Variants in CTU1 observed in about 807,000 individuals in gnomAD.
The protein encoded by CTU1 is cytosolic thiouridylase subunit 1, also known as cytoplasmic tRNA 2-thiolation protein 1.
In CTU1, 15 loss-of-function variants were observed where a neutral mutation model predicts 12.9. That is an observed-to-expected ratio of 1.16 (90% CI 0.78 to 1.79). The LOEUF is 1.79. CTU1 is among the 40% of genes most tolerant of loss of function. The pLI, the probability that CTU1 is intolerant of heterozygous loss-of-function variation, is 0.00. For missense variants in CTU1, 553 were observed against 550.5 expected, an observed-to-expected ratio of 1.00 and a Z score of -0.05; for synonymous variants, 295 against 275.6, an observed-to-expected ratio of 1.07 and a Z score of -0.70.
chr19:51,098,980 A>T lies in CTU1; in HGVS notation c.668T>A (p.Leu223Gln). ...GTCGAGGCGGCGGAAGTGCGCGTACAGCACCACCTCCTTCTGCGAGGCGAA... is the reference window on the plus strand; with the variant it reads ...GTCGAGGCGGCGGAAGTGCGCGTACTGCACCACCTCCTTCTGCGAGGCGAA... ...LQFASQKEVVLYAHFRRLDYF... is the reference protein window; with the variant it reads ...LQFASQKEVVQYAHFRRLDYF... Residue 223 changes from leucine to glutamine, a missense_variant, in exon 3 of 3, where the codon CTG becomes CAG. By Grantham distance (113) the Leu-to-Gln change is moderately radical. This residue lies in a region of CTU1 where 500 missense variants were observed against 458.5 expected (regional missense o/e 1.09). Transcript: ENST00000421832. The surrounding 1 kb of genome is among the most constrained non-coding windows in gnomAD (Gnocchi z 4.3). 1 of 1,543,738 alleles carries T rather than the reference A, an allele frequency of 6.5e-7. No homozygotes were observed. The highest frequency in any genetic ancestry group is 8.7e-7 in the Non-Finnish European group (1 of 1,151,032).
chr19:51,103,420 C>G (rs1046958569), intron 2 of CTU1, among the ~76,000 whole-genome samples: 1 of 152,040 alleles, frequency 6.6e-6, no homozygotes, highest in Non-Finnish European at 1.5e-5. Context: ...CCCGTCTCTA[C>G]TAAAAATACA....
chr19:51,104,262 C>T lies in CTU1; in HGVS notation c.308G>A (p.Arg103Gln). The part of the protein sequence containing the change: ...GYRDAALAAV[R>Q]RQAARWELPL... ...CAGCTCCCAGCGCGCCGCCTGGCGCCGCACGGCCGCCAACGCCGCGTCCCG... is the reference window on the plus strand; with the variant it reads ...CAGCTCCCAGCGCGCCGCCTGGCGCTGCACGGCCGCCAACGCCGCGTCCCG... Residue 103 changes from arginine to glutamine, a missense_variant, in exon 2 of 3, where the codon CGG (arginine) becomes CAG (glutamine). Arg to Gln is a conservative substitution (Grantham distance 43). This residue lies in a region of CTU1 where 500 missense variants were observed against 458.5 expected (regional missense o/e 1.09). Transcript: ENST00000421832. The T allele has an allele frequency of 6.6e-7, 1 of 1,506,882 alleles. No homozygotes were observed. Among genetic ancestry groups the T allele is most frequent in the African/African-American group, 1.4e-5 (1 of 69,362 alleles). 93.3% of individuals were successfully genotyped at this position (1,506,882 alleles called of 1,614,324 possible). A position where few individuals can be genotyped will look rare whatever the true frequency, so the allele number is the denominator to read the frequency against.
chr19:51,101,357 A>G (rs1242774734), intron 2 of CTU1, among the ~76,000 whole-genome samples: 1 of 152,222 alleles, frequency 6.6e-6, no homozygotes, highest in African/African-American at 2.4e-5. Context: ...GTCAAGTTAT[A>G]CTTGAGTCTA....
chr19:51,105,680 G>A (rs566023590), intron 1 of CTU1, among the ~76,000 whole-genome samples: 118 of 152,278 alleles, frequency 7.7e-4, no homozygotes, highest in African/African-American at 2.7e-3. Context: ...TGTCTAATAG[G>A]CATCTCAAAA....
At chr19:51,103,596 A>C (rs1276122369) in intron 2 of CTU1, among the ~76,000 whole-genome samples, 1 of 151,980 alleles carries the variant, frequency 6.6e-6, no homozygotes, top group Non-Finnish European at 1.5e-5. Context: ...AAAAAAAAAA[A>C]AAAAAAAAAG....
At chr19:51,107,661 A>G (rs138055779) in intron 1 of CTU1, among the ~76,000 whole-genome samples, 1 of 152,300 alleles carries the variant, frequency 6.6e-6, no homozygotes, top group East Asian at 1.9e-4. Flanking sequence ...GGACTGGGGC[A>G]ACGACGAGAG....
chr19:51,106,672 A>ATTT (rs56150506), intron 1 of CTU1, among the ~76,000 whole-genome samples: 29,097 of 135,820 alleles, frequency 0.21, 3,666 homozygotes, highest in East Asian at 0.61. Flanking sequence ...TGCCTGGCTA[A>ATTT]TTTTTTTTTT....
chr19:51,105,717 G>A (rs2691255), intron 1 of CTU1, among the ~76,000 whole-genome samples: 112,700 of 152,108 alleles, frequency 0.74, 42,242 homozygotes, highest in East Asian at 0.81. Context: ...TTCTAACCCA[G>A]CGTGCTTCTC....
chr19:51,106,331 C>T (rs942440348), intron 1 of CTU1, among the ~76,000 whole-genome samples: 2 of 152,150 alleles, frequency 1.3e-5, no homozygotes, highest in African/African-American at 4.8e-5. Context: ...CAGTGACCGT[C>T]GGGAACATCT....
At chr19:51,102,574 G>A (rs1423099431) in intron 2 of CTU1, among the ~76,000 whole-genome samples, 1 of 152,184 alleles carries the variant, frequency 6.6e-6, no homozygotes, top group African/African-American at 2.4e-5. Context: ...ACCGCAGCTG[G>A]CTTCCCACTG....
At chr19:51,100,089 G>A (rs1255972905) in intron 2 of CTU1, among the ~76,000 whole-genome samples, 2 of 152,150 alleles carry the variant, frequency 1.3e-5, no homozygotes, top group East Asian at 1.9e-4. Flanking sequence ...CCCAGAGACC[G>A]GGAGAGGGAG....
In CTU1 at chr19:51,104,064, G is replaced by A. The variant is rs768365887; in HGVS notation, c.506C>T (p.Thr169Ile). The A allele has an allele frequency of 2.1e-6, 3 of 1,452,116 alleles. No individual in the cohort carries two copies. Among genetic ancestry groups the A allele is most frequent in the Non-Finnish European group, 2.7e-6 (3 of 1,115,780 alleles). 90.0% of individuals were successfully genotyped at this position (1,452,116 alleles called of 1,614,324 possible). A position where few individuals can be genotyped will look rare whatever the true frequency, so the allele number is the denominator to read the frequency against. Residue 169 changes from threonine (T) to isoleucine (I), a missense_variant and splice_region_variant, in exon 2 of 3, where the codon ACA becomes ATA. Around this residue, in one of 2 missense-constraint regions of CTU1, gnomAD observed 500 missense variants for 458.5 expected, o/e 1.09. Coordinates refer to ENST00000421832, the MANE Select transcript of CTU1 (RefSeq NM_145232.4). ...TCTGCGGCCCGTACTACGCTCACCT[G>A]TCACGATGTGCGTGGCTCCCACGCG... ...ARRVGATHIV[T>I]GHNADDMAET...
At chr19:51,101,858 C>T (rs1485282657) in intron 2 of CTU1, among the ~76,000 whole-genome samples, 1 of 152,210 alleles carries the variant, frequency 6.6e-6, no homozygotes. Flanking sequence ...AATTATTATA[C>T]TACGCCTTTG....
At position 51,098,676 on chromosome 19, in the gene CTU1, C is replaced by T. The variant is rs1410029169; in HGVS notation, c.972G>A (p.Leu324=). The change falls in exon 3 of 3, where the codon CTG becomes CTA. Residue 324 remains leucine, a synonymous_variant. Coordinates refer to ENST00000421832, the MANE Select transcript of CTU1 (RefSeq NM_145232.4). This position sits in a 1 kb window ranked among gnomAD's most constrained non-coding sequence, Gnocchi z 4.3. ...GCGTCCCCGGCGTCGCCTCCTCGTC[C>T]AGACCCCGGCGGCCCTTGCCGATGG... is the stretch of plus-strand genomic sequence containing the variant. ...RLAIGKGRRG[L]DEEATPGTPG... 4.6e-6 allele frequency: 6 copies of T among 1,301,018 alleles called. No homozygotes were observed. In the South Asian group the frequency reaches 1.0e-4, roughly 22 times the overall value. The allele number at this position is 1,301,018 out of a possible 1,614,324, so 80.6% of individuals were successfully genotyped here. A position where few individuals can be genotyped will look rare whatever the true frequency, so the allele number is the denominator to read the frequency against.
At chr19:51,103,910 C>T in intron 2 of CTU1, 152 bp downstream of exon 2, 2 of 791,380 alleles carry the variant, frequency 2.5e-6, no homozygotes, top group South Asian at 5.6e-5. Flanking sequence ...CCTTCCGCAC[C>T]TCCGTACAGG....
intron 1 of CTU1, among the ~76,000 whole-genome samples, chr19:51,106,122 G>A (rs1013665485): frequency 5.9e-5 from 9 of 152,132 alleles, no homozygotes; most frequent in Non-Finnish European, 1.3e-4. Flanking sequence ...TCTCACTTTA[G>A]TATAATAACT....
intron 2 of CTU1, among the ~76,000 whole-genome samples, chr19:51,099,760 G>A (rs1340338096): frequency 2.0e-5 from 3 of 152,178 alleles, no homozygotes; most frequent in Admixed American, 2.0e-4. Flanking sequence ...GCAGGCTGCT[G>A]TCTCCCCCAC....
chr19:51,103,292 T>G (rs2091911412), intron 2 of CTU1, among the ~76,000 whole-genome samples: 1 of 151,992 alleles, frequency 6.6e-6, no homozygotes, highest in African/African-American at 2.4e-5. Flanking sequence ...CATCTGTTTG[T>G]TGAAGGAATG....
At chr19:51,104,765 G>A (rs2091916389) in intron 1 of CTU1, among the ~76,000 whole-genome samples, 175 bp from the exon 2 acceptor site, 1 of 152,194 alleles carries the variant, frequency 6.6e-6, no homozygotes, top group South Asian at 2.1e-4. Context: ...TAGGTCCGGT[G>A]TAAGGAAGCC....
Sources: allele counts gnomAD v4.1 joint callset (sites outside exome capture counted in the v4.1 genomes callset), GRCh38; gene constraint gnomAD v4.1.1; regional missense constraint gnomAD v4.1.1; non-coding constraint Gnocchi (gnomAD v3.1); transcripts MANE v1.5; gene names NCBI Gene and HGNC (gene_info 2026-07-23, HGNC 2026-07-21).